ERG: variants seen among roughly 807,000 people sequenced by gnomAD.
ERG encodes ETS transcription factor ERG.
ERG carries 9 observed loss-of-function variants against 55.3 expected under a neutral mutation model. That is an observed-to-expected ratio of 0.16 (90% confidence interval 0.10 to 0.28). The LOEUF (loss-of-function observed/expected upper bound fraction) is 0.28, where lower values mean the gene tolerates loss of function less well. Among genes scored for constraint, ERG ranks in the 10% least tolerant of loss-of-function variants. ERG has a pLI of 1.00. For synonymous variants in ERG, 223 were observed against 237.3 expected, an observed-to-expected ratio of 0.94 and a Z score of 0.55; for missense variants, 434 against 631.6, an observed-to-expected ratio of 0.69 and a Z score of 3.35.
chr21:38,441,324 T>C (rs2058839179), intron 2 of ERG, among the ~76,000 whole-genome samples: 1 of 152,098 alleles, frequency 6.6e-6, no homozygotes, highest in Admixed American at 6.5e-5. Flanking sequence ...TCAGTTGAAC[T>C]TGACTAAAGG....
intron 1 of ERG, among the ~76,000 whole-genome samples, chr21:38,652,937 C>T (rs1034533576): frequency 8.5e-5 from 13 of 152,208 alleles, no homozygotes; most frequent in African/African-American, 2.7e-4. Flanking sequence ...GATTTCATGA[C>T]ACAAGCATTC....
intron 2 of ERG, among the ~76,000 whole-genome samples, chr21:38,516,645 C>G (rs1035332311): frequency 6.6e-6 from 1 of 151,752 alleles, no homozygotes; most frequent in Non-Finnish European, 1.5e-5. Flanking sequence ...CAAAAAGGAG[C>G]CTGAATAGCT....
chr21:38,402,417 C>G, intron 5 of ERG, 140 bp downstream of exon 5: 1 of 633,160 alleles, frequency 1.6e-6, no homozygotes, highest in East Asian at 3.1e-5. Context: ...TGGTACATTC[C>G]TAAGTATCCG....
intron 1 of ERG, among the ~76,000 whole-genome samples, chr21:38,627,425 T>C (rs1900888610): frequency 6.6e-6 from 1 of 152,080 alleles, no homozygotes; most frequent in African/African-American, 2.4e-5. Context: ...GACAGGAAAA[T>C]ACTGTGAAAT....
chr21:38,536,396 TCTC>T (rs1335507343), intron 2 of ERG, among the ~76,000 whole-genome samples: 4 of 152,122 alleles, frequency 2.6e-5, no homozygotes, highest in Non-Finnish European at 5.9e-5. Context: ...AAAATACTCT[TCTC>T]CTCTTTATCT....
chr21:38,515,194 A>C (rs1405681877), intron 2 of ERG, among the ~76,000 whole-genome samples: 1 of 151,988 alleles, frequency 6.6e-6, no homozygotes, highest in Non-Finnish European at 1.5e-5. Context: ...TATTTCAACA[A>C]AGTTTTTGTG....
intron 2 of ERG, among the ~76,000 whole-genome samples, chr21:38,507,475 C>A (rs1374605356): frequency 2.0e-5 from 3 of 152,122 alleles, no homozygotes; most frequent in African/African-American, 7.2e-5. Context: ...GGGAGGGGAA[C>A]CCCAGGATTC....
intron 2 of ERG, among the ~76,000 whole-genome samples, chr21:38,504,622 G>A (rs981961703): frequency 1.3e-5 from 2 of 152,124 alleles, no homozygotes; most frequent in Admixed American, 6.5e-5. Flanking sequence ...CAGACATCAC[G>A]TTGCCATTGG....
chr21:38,371,524 C>T, the ERG span, among the ~76,000 whole-genome samples: 1 of 151,942 alleles, frequency 6.6e-6, no homozygotes, highest in African/African-American at 2.4e-5. Context: ...TCTATAGACA[C>T]TATTATCAAG....
chr21:38,389,105 G>A (rs1159384810), intron 9 of ERG, among the ~76,000 whole-genome samples: 2 of 152,146 alleles, frequency 1.3e-5, no homozygotes, highest in Non-Finnish European at 2.9e-5. Flanking sequence ...GACCCTGAAA[G>A]GAAATCCTTG....
chr21:38,577,655 G>A (rs1200991804), intron 1 of ERG, among the ~76,000 whole-genome samples: 4 of 152,162 alleles, frequency 2.6e-5, no homozygotes, highest in Non-Finnish European at 2.9e-5. Flanking sequence ...CTTATCCTAA[G>A]AGCAGCAGGT....
intron 1 of ERG, among the ~76,000 whole-genome samples, chr21:38,456,101 AAC>A (rs1362111336): frequency 5.9e-5 from 9 of 152,194 alleles, no homozygotes; most frequent in African/African-American, 2.2e-4. Context: ...CGATTTGTTT[AAC>A]TAGTAACATC....
chr21:38,513,630 G>C (rs1849112183), intron 2 of ERG, among the ~76,000 whole-genome samples: 1 of 152,138 alleles, frequency 6.6e-6, no homozygotes, highest in African/African-American at 2.4e-5. Flanking sequence ...ATACTAACTT[G>C]AACAAGGCTT....
intron 1 of ERG, among the ~76,000 whole-genome samples, chr21:38,649,747 G>A (rs771873788): frequency 2.0e-5 from 3 of 152,176 alleles, no homozygotes; most frequent in Admixed American, 6.5e-5. Context: ...AGTGGCCCAC[G>A]TTCCTTATAG....
chr21:38,394,416 G>A (rs911142259), intron 6 of ERG, among the ~76,000 whole-genome samples: 20 of 151,308 alleles, frequency 1.3e-4, no homozygotes, highest in African/African-American at 3.9e-4. Flanking sequence ...GCAGTGGCGC[G>A]ATCTCGGCTC....
intron 2 of ERG, among the ~76,000 whole-genome samples, chr21:38,561,699 T>C (rs2059893697): frequency 6.6e-6 from 1 of 152,220 alleles, no homozygotes. Flanking sequence ...GGCTGGATAA[T>C]ACCATATCAT....
intron 1 of ERG, among the ~76,000 whole-genome samples, chr21:38,621,189 C>T (rs902285332): frequency 2.0e-5 from 3 of 152,208 alleles, no homozygotes; most frequent in Admixed American, 1.3e-4. Context: ...AGACTACCCC[C>T]TTCTGTGATA....
At chr21:38,534,439 TA>T (rs1326173015) in intron 2 of ERG, among the ~76,000 whole-genome samples, 1 of 152,182 alleles carries the variant, frequency 6.6e-6, no homozygotes, top group Non-Finnish European at 1.5e-5. Context: ...AGAATTATTT[TA>T]AAAAAGCATT....
chr21:38,597,704 T>C (rs1231959545), intron 1 of ERG, among the ~76,000 whole-genome samples: 1 of 152,032 alleles, frequency 6.6e-6, no homozygotes, highest in Non-Finnish European at 1.5e-5. Context: ...CTTCCAACCA[T>C]ACTCCCAGCA....
Sources: gnomAD v4.1 joint callset for allele counts (sites outside exome capture counted in the v4.1 genomes callset) on GRCh38, gnomAD v4.1.1 for gene constraint, MANE v1.5 for transcripts, NCBI Gene and HGNC (gene_info 2026-07-23, HGNC 2026-07-21) for gene names.